Variants in FLNC observed in about 807,000 individuals in gnomAD.
FLNC encodes the protein filamin C.
Under a neutral mutation model 254.3 loss-of-function variants are expected in FLNC, and 91 were observed. The observed-to-expected ratio is 0.36, with a 90% CI of 0.30 to 0.43. FLNC has a LOEUF of 0.43. Ranked by LOEUF, FLNC falls within the 20% of genes least tolerant of loss-of-function variation. The probability of loss-of-function intolerance (pLI) is 1.00; values close to 1 mark genes in which losing one functional copy is unlikely to be tolerated. For missense variants in FLNC, 2,853 were observed against 3,802.6 expected (o/e 0.75, Z 6.57); for synonymous variants, 1,430 against 1,577.2 (o/e 0.91, Z 2.21).
intron 35 of FLNC, 96 bp downstream of exon 35, chr7:128,851,724 C>A: frequency 1.5e-6 from 2 of 1,312,698 alleles, no homozygotes; most frequent in Non-Finnish European, 2.2e-6. Flanking sequence ...TCACTCGTGA[C>A]ATTAGGGCAG....
rs533508003 is a variant in FLNC at position 128,833,989 on chromosome 7, G to A, written c.353-1337G>A. Reference sequence around the variant, plus strand: ...GACTGAGGCACCCCTCCCGGGGCAGGTGGGAGTGGGGCAGGGGATGCCCTG... The same window carrying A: ...GACTGAGGCACCCCTCCCGGGGCAGATGGGAGTGGGGCAGGGGATGCCCTG... On this transcript the variant is annotated intron_variant, in intron 1 of 47. Coordinates refer to ENST00000325888, the MANE Select transcript of FLNC (RefSeq NM_001458.5). Among the ~76,000 whole-genome samples the A allele has an allele frequency of 3.3e-5, 5 of 152,268 alleles. No individual in the cohort carries two copies. The East Asian group carries it at 9.7e-4, about 29-fold the overall frequency.
chr7:128,847,095 G>A (rs1020111732), intron 24 of FLNC, among the ~76,000 whole-genome samples, 190 bp downstream of exon 24: 1 of 152,236 alleles, frequency 6.6e-6, no homozygotes, highest in Non-Finnish European at 1.5e-5. Context: ...TGATGTGACA[G>A]CCCCCCTAGT....
chr7:128,851,229 C>T lies in FLNC; in HGVS notation c.5540-3C>T. The T allele has an allele frequency of 2.5e-6, 4 of 1,614,034 alleles. No individual in the cohort carries two copies. The highest frequency in any genetic ancestry group is 1.7e-6 in the Non-Finnish European group (2 of 1,180,018). On this transcript the variant is annotated splice_polypyrimidine_tract_variant and splice_region_variant and intron_variant, in intron 33 of 47. Coordinates refer to ENST00000325888, the MANE Select transcript of FLNC (RefSeq NM_001458.5). Reference sequence around the variant, plus strand: ...CCAGCCCCCTTTTTCTCTGTATCCCCAGGGAGCCCCTTACAGTTCTATGTG... The same window carrying T: ...CCAGCCCCCTTTTTCTCTGTATCCCTAGGGAGCCCCTTACAGTTCTATGTG...
At chr7:128,848,419 C>G in intron 26 of FLNC, 142 bp from the exon 27 acceptor site, 1 of 922,826 alleles carries the variant, frequency 1.1e-6, no homozygotes, top group Non-Finnish European at 1.8e-6. Context: ...TCATCGGCTT[C>G]TGGGAACTGG....
rs570011808 is a variant in FLNC, at chr7:128,842,095, G to C, written c.2122-136G>C. ...CCAGAGCACGTGGCCCTGGGCTCTG[G>C]TGGCCTCAGTGGCTGGTGTGGGGGC... On this transcript the variant is annotated intron_variant, in intron 13 of 47. Coordinates refer to ENST00000325888, the MANE Select transcript of FLNC (RefSeq NM_001458.5). This position sits in a 1 kb window ranked among gnomAD's most constrained non-coding sequence, Gnocchi z 5.4. 4.4e-6 allele frequency: 4 copies of C among 906,234 alleles called. No homozygotes were observed. The African/African-American group carries it at 6.6e-5, about 15-fold the overall frequency. The allele number at this position is 906,234 out of a possible 1,614,324, so 56.1% of individuals were successfully genotyped here. A position where few individuals can be genotyped will look rare whatever the true frequency, so the allele number is the denominator to read the frequency against.
intron 30 of FLNC, 53 bp downstream of exon 30, chr7:128,849,631 C>T: frequency 1.9e-6 from 3 of 1,598,582 alleles, no homozygotes; most frequent in Non-Finnish European, 2.6e-6. Context: ...GGGCCTGGCC[C>T]TTTTAGCAGC....
In FLNC at chr7:128,858,806, G is replaced by A. The variant is rs1269075113; in HGVS notation, c.*283G>A. On this transcript the variant is annotated 3_prime_UTR_variant, in exon 48 of 48. Transcript: ENST00000325888. The surrounding 1 kb of genome is among the most constrained non-coding windows in gnomAD (Gnocchi z 6.7). ...AGAGGCTGGGACACAAGGGGCTGGCGAGGGCTGCGAGGCCAGGGAAGCCCT... is the reference window on the plus strand; with the variant it reads ...AGAGGCTGGGACACAAGGGGCTGGCAAGGGCTGCGAGGCCAGGGAAGCCCT... 3.3e-5 allele frequency: 17 copies of A among 508,974 alleles called. No homozygotes were observed. The highest frequency in any genetic ancestry group is 1.4e-4 in the East Asian group (4 of 28,702). The allele number at this position is 508,974 out of a possible 1,614,324, so 31.5% of individuals were successfully genotyped here. A position where few individuals can be genotyped will look rare whatever the true frequency, so the allele number is the denominator to read the frequency against.
Position 128,854,900 on chromosome 7 carries a change from G to A in FLNC, c.7123G>A (p.Val2375Ile), listed in dbSNP as rs768941858. The part of the protein sequence containing the change: ...KDGSCGVSYV[V>I]QEPGDYEVSI... The stretch of plus-strand genomic sequence containing the variant: ...TGGCTCCTGCGGCGTCTCCTATGTC[G>A]TCCAGGAACCAGGTGGGCGTCCACA... The change falls in exon 42 of 48, where the codon GTC (valine) becomes ATC (isoleucine). Residue 2375 changes from valine to isoleucine, a missense_variant. Transcript: ENST00000325888. 1.2e-5 allele frequency: 20 copies of A among 1,613,910 alleles called. No homozygotes were observed. Among genetic ancestry groups the A allele is most frequent in the African/African-American group, 4.0e-5 (3 of 74,918 alleles).
In FLNC at chr7:128,856,999, G is replaced by T. The variant is rs1809091612; in HGVS notation, c.7561+78G>T. On this transcript the variant is annotated intron_variant, in intron 45 of 47. Coordinates refer to ENST00000325888, the MANE Select transcript of FLNC (RefSeq NM_001458.5). This position sits in a 1 kb window ranked among gnomAD's most constrained non-coding sequence, Gnocchi z 5.9. ...AGTCTGGTGCTGCTTTGCTCCAGAG[G>T]TAGGGGCCCTGCTTCCTAAGCCAGG... The T allele has an allele frequency of 6.3e-7, 1 of 1,580,492 alleles. No individual in the cohort carries two copies. Among genetic ancestry groups the T allele is most frequent in the Non-Finnish European group, 8.7e-7 (1 of 1,151,870 alleles).
rs922530724 is a variant in FLNC, at chr7:128,836,974, G to A, written c.602-186G>A. Among the ~76,000 whole-genome samples the A allele has an allele frequency of 4.6e-5, 7 of 152,242 alleles. No homozygotes were observed. The highest frequency in any genetic ancestry group is 1.7e-4 in the African/African-American group (7 of 41,466). On this transcript the variant is annotated intron_variant, in intron 2 of 47. Coordinates refer to ENST00000325888, the MANE Select transcript of FLNC (RefSeq NM_001458.5). This position sits in a 1 kb window ranked among gnomAD's most constrained non-coding sequence, Gnocchi z 6.0. ...TTCATTGTTGGTGGTGGAGAGGGCTGTCCTGCTCCTACGTGGTGAGGGGCC... is the reference window on the plus strand; with the variant it reads ...TTCATTGTTGGTGGTGGAGAGGGCTATCCTGCTCCTACGTGGTGAGGGGCC...
chr7:128,856,619 G>A lies in FLNC; in HGVS notation c.7353G>A (p.Val2451=), dbSNP rs368607789. The A allele has an allele frequency of 4.4e-5, 71 of 1,612,872 alleles. No individual in the cohort carries two copies. The African/African-American group carries it at 7.5e-4, about 17-fold the overall frequency. The part of the protein sequence containing the change: ...DARVHTPSGA[V]EECYVSELDS... Reference sequence around the variant, plus strand: ...GGGTGCACACACCCTCGGGGGCTGTGGAGGAGTGCTACGTCTCTGAGCTGG... The same window carrying A: ...GGGTGCACACACCCTCGGGGGCTGTAGAGGAGTGCTACGTCTCTGAGCTGG... The change falls in exon 44 of 48, where the codon GTG becomes GTA. Residue 2451 remains valine, a synonymous_variant. Transcript: ENST00000325888. The surrounding 1 kb of genome is among the most constrained non-coding windows in gnomAD (Gnocchi z 5.9).
In FLNC at chr7:128,830,580, GCC is replaced by G. The variant is rs975205528; in HGVS notation, c.-54_-53del. On this transcript the variant is annotated 5_prime_UTR_variant, in exon 1 of 48. Coordinates refer to ENST00000325888, the MANE Select transcript of FLNC (RefSeq NM_001458.5). ...GGTCGCGCCCCAACAGCGCCCGACA[GCC>G]CCCGATAGCCCAAACCGCGGCCCTA... The G allele has an allele frequency of 2.0e-6, 3 of 1,480,472 alleles. No individual in the cohort carries two copies. In the African/African-American group the frequency reaches 4.2e-5, roughly 21 times the overall value. The allele number at this position is 1,480,472 out of a possible 1,614,324, so 91.7% of individuals were successfully genotyped here.
rs764373507 is a variant in FLNC at position 128,850,015 on chromosome 7, G to A, written c.5239G>A (p.Val1747Met). 4.4e-6 allele frequency: 7 copies of A among 1,575,960 alleles called. No homozygotes were observed. The highest frequency in any genetic ancestry group is 6.0e-6 in the Non-Finnish European group (7 of 1,166,790). The part of the protein sequence containing the change: ...PLPHEEEPSE[V>M]PQLRQPYAPP... ...GCCGCACGAGGAGGAGCCCTCTGAA[G>A]TGCCACAGCTGCGCCAGCCCTACGC... The change falls in exon 31 of 48, where the codon GTG becomes ATG. Residue 1747 changes from valine to methionine, a missense_variant. Val to Met is a conservative substitution (Grantham distance 21, BLOSUM62 1). This residue lies in a region of FLNC where 258 missense variants were observed against 312.3 expected (regional missense o/e 0.83). Coordinates refer to ENST00000325888, the MANE Select transcript of FLNC (RefSeq NM_001458.5).
intron 24 of FLNC, among the ~76,000 whole-genome samples, chr7:128,847,241 G>A (rs1186140023): frequency 6.6e-6 from 1 of 152,226 alleles, no homozygotes; most frequent in Admixed American, 6.5e-5. Flanking sequence ...GCCAGCCTTG[G>A]GCCTTCTTGC....
rs1056049305 is a variant in FLNC at position 128,853,044 on chromosome 7, C to T, written c.6208+13C>T. 2.5e-6 allele frequency: 4 copies of T among 1,609,880 alleles called. No individual in the cohort carries two copies. Among genetic ancestry groups the T allele is most frequent in the Non-Finnish European group, 3.4e-6 (4 of 1,177,546 alleles). On this transcript the variant is annotated intron_variant, in intron 37 of 47. Coordinates refer to ENST00000325888, the MANE Select transcript of FLNC (RefSeq NM_001458.5). ...ACTCGCAATGCAGGTACCTCCTGCC[C>T]CAGAGAGCCCCCATTCCAGCGGGTG...
In FLNC at chr7:128,841,534, A is replaced by G; in HGVS notation, c.2088A>G (p.Ala696=). 6.2e-7 allele frequency: 1 copy of G among 1,614,138 alleles called. No individual in the cohort carries two copies. The highest frequency in any genetic ancestry group is 8.5e-7 in the Non-Finnish European group (1 of 1,179,978). The change falls in exon 13 of 48, where the codon GCA becomes GCG. Residue 696 remains alanine, a synonymous_variant. Transcript: ENST00000325888. The surrounding 1 kb of genome is among the most constrained non-coding windows in gnomAD (Gnocchi z 4.3). ...CTGAGTTCACCATTGATGCTCGTGC[A>G]GCTGGCAAGGGAGACCTGAAGCTCT... The part of the protein sequence containing the change: ...KPAEFTIDAR[A]AGKGDLKLYA...
chr7:128,858,489 T>C lies in FLNC; in HGVS notation c.8144T>C (p.Val2715Ala). The C allele has an allele frequency of 6.2e-7, 1 of 1,613,682 alleles. No individual in the cohort carries two copies. Among genetic ancestry groups the C allele is most frequent in the African/African-American group, 1.3e-5 (1 of 74,890 alleles). Reference sequence around the variant, plus strand: ...ATTGTCAAGTGGGGTGACGAAAGTGTCCCTGGAAGCCCCTTCAAAGTCAAG... The same window carrying C: ...ATTGTCAAGTGGGGTGACGAAAGTGCCCCTGGAAGCCCCTTCAAAGTCAAG... Reference protein sequence around the residue: ...ILIVKWGDESVPGSPFKVKVP With the variant: ...ILIVKWGDESAPGSPFKVKVP Residue 2715 changes from valine to alanine, a missense_variant, in exon 48 of 48, where the codon GTC (valine) becomes GCC (alanine). Coordinates refer to ENST00000325888, the MANE Select transcript of FLNC (RefSeq NM_001458.5). The surrounding 1 kb of genome is among the most constrained non-coding windows in gnomAD (Gnocchi z 6.7).
chr7:128,855,090 G>A, intron 42 of FLNC, 109 bp from the exon 43 acceptor site: 4 of 1,071,948 alleles, frequency 3.7e-6, no homozygotes, highest in Non-Finnish European at 5.8e-6. Context: ...TCTGCCTCCA[G>A]ATCTGAGCGC....
rs767947558 is a variant in FLNC, at chr7:128,856,687, C to G, written c.7384+37C>G. On this transcript the variant is annotated intron_variant, in intron 44 of 47. Transcript: ENST00000325888. This position sits in a 1 kb window ranked among gnomAD's most constrained non-coding sequence, Gnocchi z 5.9. ...CTGCCCCTGCCAACTCCCTTCCGGG[C>G]TGGGGCCTTCTGGGGAGGGGAAGGA... 3 of 1,613,726 alleles carry G rather than the reference C, an allele frequency of 1.9e-6. No individual in the cohort carries two copies. The highest frequency in any genetic ancestry group is 2.7e-5 in the African/African-American group (2 of 74,930).
Sources: allele counts gnomAD v4.1 joint callset (sites outside exome capture counted in the v4.1 genomes callset), GRCh38; gene constraint gnomAD v4.1.1; regional missense constraint gnomAD v4.1.1; non-coding constraint Gnocchi (gnomAD v3.1); transcripts MANE v1.5; gene names NCBI Gene and HGNC (gene_info 2026-07-23, HGNC 2026-07-21).